SLC25A21: variants seen among roughly 807,000 people sequenced by gnomAD.
The protein encoded by SLC25A21 is solute carrier family 25 member 21.
SLC25A21 carries 47 observed loss-of-function variants against 43.8 expected under a neutral mutation model. That is an observed-to-expected ratio of 1.07 (90% CI 0.85 to 1.37). SLC25A21 has a LOEUF of 1.37. Ranked by LOEUF, SLC25A21 falls within the 40% of genes most tolerant of loss-of-function variation. The probability of loss-of-function intolerance (pLI) is 0.00; values close to 1 mark genes in which losing one functional copy is unlikely to be tolerated. For missense variants in SLC25A21, 352 were observed against 350.2 expected (o/e 1.00, Z -0.04); for synonymous variants, 131 against 121.3 (o/e 1.08, Z -0.52).
intron 3 of SLC25A21, among the ~76,000 whole-genome samples, chr14:36,751,984 T>C (rs925298795): frequency 5.3e-5 from 6 of 112,674 alleles, no homozygotes; most frequent in Admixed American, 7.8e-5. Context: ...TGACAAATAA[T>C]TGAGTATCTG....
At chr14:37,134,660 AAAAG>A (rs1555349224) in intron 1 of SLC25A21, among the ~76,000 whole-genome samples, 123 of 151,510 alleles carry the variant, frequency 8.1e-4, no homozygotes, top group African/African-American at 2.8e-3. Flanking sequence ...AAAAAAAAAA[AAAAG>A]AAAGAAAGAA....
chr14:36,753,350 G>A (rs1408334903), intron 3 of SLC25A21, among the ~76,000 whole-genome samples: 2 of 152,122 alleles, frequency 1.3e-5, no homozygotes, highest in African/African-American at 4.8e-5. Flanking sequence ...AGGTTTCCAG[G>A]AAAGGACCCA....
chr14:36,697,703 G>A (rs947209197), intron 7 of SLC25A21, among the ~76,000 whole-genome samples: 5 of 148,184 alleles, frequency 3.4e-5, no homozygotes, highest in Non-Finnish European at 7.4e-5. Context: ...TTGGTTCAAA[G>A]TCTGTTTTAT....
chr14:37,149,939 A>G (rs1319387350), intron 1 of SLC25A21, among the ~76,000 whole-genome samples: 1 of 152,174 alleles, frequency 6.6e-6, no homozygotes, highest in Non-Finnish European at 1.5e-5. Flanking sequence ...CACTTCTGGC[A>G]TTTCCCATTC....
At chr14:37,153,972 C>G (rs6571791) in intron 1 of SLC25A21, among the ~76,000 whole-genome samples, 59,946 of 151,962 alleles carry the variant, frequency 0.39, 12,724 homozygotes, top group African/African-American at 0.56. Flanking sequence ...TGCCATCATC[C>G]ATGCTATACT....
chr14:36,775,679 C>T (rs1257480005), intron 3 of SLC25A21, among the ~76,000 whole-genome samples: 1 of 152,142 alleles, frequency 6.6e-6, no homozygotes, highest in African/African-American at 2.4e-5. Context: ...ATTAACTATA[C>T]TTGCCTGTCC....
intron 7 of SLC25A21, among the ~76,000 whole-genome samples, chr14:36,710,916 G>A (rs1000864803): frequency 1.3e-5 from 2 of 152,088 alleles, no homozygotes; most frequent in Non-Finnish European, 2.9e-5. Flanking sequence ...GAGTTCAAAA[G>A]TTTTTTAAAA....
chr14:36,867,680 T>TC (rs540727377), intron 2 of SLC25A21, among the ~76,000 whole-genome samples: 90 of 152,052 alleles, frequency 5.9e-4, no homozygotes, highest in African/African-American at 1.7e-3. Context: ...AGTAAACACT[T>TC]CCCCCTCCCA....
At chr14:36,688,492 C>G (rs1464519013) in intron 7 of SLC25A21, among the ~76,000 whole-genome samples, 4 of 152,208 alleles carry the variant, frequency 2.6e-5, no homozygotes, top group African/African-American at 7.2e-5. Context: ...GTGGGGCTGT[C>G]CCCTCTACCC....
At chr14:36,737,117 T>C (rs1489322427) in intron 3 of SLC25A21, among the ~76,000 whole-genome samples, 1 of 152,130 alleles carries the variant, frequency 6.6e-6, no homozygotes, top group African/African-American at 2.4e-5. Flanking sequence ...ATTCTGTTAT[T>C]CTGAGAAAAA....
intron 1 of SLC25A21, among the ~76,000 whole-genome samples, chr14:37,128,782 T>C (rs1963343285): frequency 1.3e-5 from 2 of 151,914 alleles, no homozygotes; most frequent in Admixed American, 1.3e-4. Context: ...GGAGATGGGG[T>C]TTCGCCATGT....
In SLC25A21 at chr14:36,967,240, C is replaced by T. The variant is rs1036031539; in HGVS notation, c.71-92236G>A. ...GAAGTGGGGAGAAACAGACCTTCCT[C>T]GCCTTCATATTTGTGGTTCTACCAC... On this transcript the variant is annotated intron_variant, in intron 1 of 9. Coordinates refer to ENST00000331299, the MANE Select transcript of SLC25A21 (RefSeq NM_030631.4). Among the ~76,000 whole-genome samples the T allele has an allele frequency of 5.3e-5, 8 of 152,136 alleles. No homozygotes were observed. The East Asian group carries it at 5.8e-4, about 11-fold the overall frequency.
intron 5 of SLC25A21, 46 bp downstream of exon 5, chr14:36,729,461 T>C (rs1884730221): frequency 7.0e-7 from 1 of 1,422,064 alleles, no homozygotes; most frequent in African/African-American, 1.5e-5. Context: ...GATTTTGCTT[T>C]ATGAAATAAC....
intron 3 of SLC25A21, among the ~76,000 whole-genome samples, chr14:36,809,501 G>T (rs1888157851): frequency 6.6e-6 from 1 of 151,996 alleles, no homozygotes; most frequent in Non-Finnish European, 1.5e-5. Context: ...AAAGTACAAT[G>T]TATTTACGCT....
chr14:37,076,660 G>C (rs1962287542), intron 1 of SLC25A21, among the ~76,000 whole-genome samples: 1 of 151,612 alleles, frequency 6.6e-6, no homozygotes, highest in Admixed American at 6.6e-5. Context: ...GGCTAATTTT[G>C]TATTTTTAGT....
intron 1 of SLC25A21, among the ~76,000 whole-genome samples, chr14:37,152,098 T>G (rs1392238970): frequency 2.0e-5 from 3 of 152,264 alleles, no homozygotes; most frequent in East Asian, 3.9e-4. Flanking sequence ...TAGTAAGCAT[T>G]CAGTAAATGT....
At chr14:36,804,379 G>A (rs1887967290) in intron 3 of SLC25A21, among the ~76,000 whole-genome samples, 1 of 152,166 alleles carries the variant, frequency 6.6e-6, no homozygotes, top group Non-Finnish European at 1.5e-5. Context: ...AAAAGATGAG[G>A]AAGACACTGG....
At chr14:37,172,194 G>C in intron 1 of SLC25A21, 87 bp downstream of exon 1, 1 of 1,351,936 alleles carries the variant, frequency 7.4e-7, no homozygotes, top group Non-Finnish European at 1.0e-6. Context: ...CAGAACTTCA[G>C]TAAGGAGACC....
intron 1 of SLC25A21, among the ~76,000 whole-genome samples, chr14:36,942,728 TCTGTTCTC>T: frequency 6.6e-6 from 1 of 152,246 alleles, no homozygotes; most frequent in East Asian, 1.9e-4. Flanking sequence ...GTCACACTAG[TCTGTTCTC>T]CATCAAGCAA....
Sources: allele counts gnomAD v4.1 joint callset (sites outside exome capture counted in the v4.1 genomes callset), GRCh38; gene constraint gnomAD v4.1.1; transcripts MANE v1.5; gene names NCBI Gene and HGNC (gene_info 2026-07-23, HGNC 2026-07-21).